ZC3H18: variants seen among roughly 807,000 people sequenced by gnomAD.
ZC3H18 encodes zinc finger CCCH-type containing 18.
ZC3H18 carries 8 observed loss-of-function variants against 106.1 expected under a neutral mutation model. That is an observed-to-expected ratio of 0.08 (90% confidence interval 0.04 to 0.14). The LOEUF (loss-of-function observed/expected upper bound fraction) is 0.14. Among genes scored for constraint, ZC3H18 ranks in the 10% least tolerant of loss-of-function variants. ZC3H18 has a pLI of 1.00. For missense variants in ZC3H18, 1,318 were observed against 1,278.4 expected, an observed-to-expected ratio of 1.03 and a Z score of -0.47; for synonymous variants, 635 against 522.1, an observed-to-expected ratio of 1.22 and a Z score of -2.95.
rs373998128 is a variant in ZC3H18 at position 88,623,211 on chromosome 16, C to T, written c.1668-8C>T. On this transcript the variant is annotated splice_region_variant and splice_polypyrimidine_tract_variant and intron_variant, in intron 9 of 17. Transcript: ENST00000301011. ...ACTTCTCGCCACGCTCCGTCCCGCC[C>T]GCCCCAGGTCGTCTTCGCGGTCATC... 88 of 1,611,506 alleles carry T rather than the reference C, an allele frequency of 5.5e-5. No homozygotes were observed. The highest frequency in any genetic ancestry group is 1.6e-4 in the Middle Eastern group (1 of 6,074).
intron 7 of ZC3H18, 23 bp from the exon 8 acceptor site, chr16:88,611,245 A>G: frequency 2.7e-6 from 2 of 733,702 alleles, no homozygotes; most frequent in East Asian, 5.1e-5. Flanking sequence ...CGGTGTCCCC[A>G]TGTGTTTGGC....
chr16:88,588,258 A>G (rs995367181), intron 3 of ZC3H18, among the ~76,000 whole-genome samples: 1 of 152,236 alleles, frequency 6.6e-6, no homozygotes, highest in African/African-American at 2.4e-5. Context: ...ATGTACGTGT[A>G]CACATTTGCA....
chr16:88,587,221 A>C (rs938572401), intron 3 of ZC3H18, among the ~76,000 whole-genome samples: 5 of 152,324 alleles, frequency 3.3e-5, no homozygotes, highest in African/African-American at 1.2e-4. Flanking sequence ...GGGACAGTGT[A>C]AGAAAGTGTC....
At chr16:88,622,501 C>T (rs746925025) in intron 9 of ZC3H18, 113 bp downstream of exon 9, 59 of 1,216,996 alleles carry the variant, frequency 4.8e-5, no homozygotes, top group Non-Finnish European at 6.0e-5. Context: ...TTTGCTGTGG[C>T]GTCGTTACCT....
chr16:88,617,125 T>A (rs1378962382), intron 8 of ZC3H18, among the ~76,000 whole-genome samples: 2 of 152,166 alleles, frequency 1.3e-5, no homozygotes, highest in African/African-American at 4.8e-5. Flanking sequence ...CCTCTGTCCA[T>A]GGGGGAGCCA....
chr16:88,630,997 G>T (rs1433943807), intron 17 of ZC3H18, 104 bp from the exon 18 acceptor site: 6 of 1,437,734 alleles, frequency 4.2e-6, no homozygotes, highest in Non-Finnish European at 5.8e-6. Context: ...TGCCTGTCCT[G>T]GTGGCCGCTG....
chr16:88,617,766 G>GT (rs1905714628), intron 8 of ZC3H18, among the ~76,000 whole-genome samples: 2 of 152,312 alleles, frequency 1.3e-5, no homozygotes, highest in South Asian at 4.1e-4. Context: ...CTCTTCCCTG[G>GT]TAAGTTCCGG....
At chr16:88,584,811 C>T (rs541850204) in intron 2 of ZC3H18, among the ~76,000 whole-genome samples, 2 of 152,296 alleles carry the variant, frequency 1.3e-5, no homozygotes, top group African/African-American at 2.4e-5. Flanking sequence ...TACATCTTTG[C>T]AGAAACAATG....
At chr16:88,625,499 C>T (rs577816710) in intron 13 of ZC3H18, 269 of 563,228 alleles carry the variant, frequency 4.8e-4, no homozygotes, top group Middle Eastern at 3.4e-3. Context: ...TTCACAAACT[C>T]GGGGGCACTC....
intron 3 of ZC3H18, among the ~76,000 whole-genome samples, chr16:88,591,397 A>C (rs1597331136): frequency 6.6e-6 from 1 of 152,108 alleles, no homozygotes; most frequent in Admixed American, 6.5e-5. Context: ...ACATGGTGAA[A>C]CCCTGTCTCT....
intron 3 of ZC3H18, 77 bp downstream of exon 3, chr16:88,586,761 G>T (rs1224626910): frequency 2.6e-6 from 3 of 1,158,014 alleles, no homozygotes; most frequent in African/African-American, 3.0e-5. Context: ...GGCTCACCTT[G>T]CCAGGCCCTG....
At chr16:88,611,614 G>A (rs551188910) in intron 8 of ZC3H18, 78 bp downstream of exon 8, 15 of 1,494,704 alleles carry the variant, frequency 1.0e-5, no homozygotes, top group South Asian at 2.7e-5. Flanking sequence ...CCTGGCCTGC[G>A]CTTCCCCTCT....
At chr16:88,604,253 G>A (rs181313171) in intron 6 of ZC3H18, among the ~76,000 whole-genome samples, 1 of 152,024 alleles carries the variant, frequency 6.6e-6, no homozygotes, top group East Asian at 1.9e-4. Flanking sequence ...TCAAGAGTCT[G>A]AGGTGGGAGA....
chr16:88,621,008 A>AG (rs1250882155), intron 8 of ZC3H18, among the ~76,000 whole-genome samples: 1 of 151,518 alleles, frequency 6.6e-6, no homozygotes, highest in Admixed American at 6.6e-5. Flanking sequence ...CTGGGATTAC[A>AG]GGCACGTGTT....
chr16:88,592,021 A>G (rs1190719627), intron 3 of ZC3H18, among the ~76,000 whole-genome samples: 1 of 152,124 alleles, frequency 6.6e-6, no homozygotes, highest in Non-Finnish European at 1.5e-5. Flanking sequence ...TGTGTGTTTC[A>G]TCTTTTGCGG....
At position 88,623,212 on chromosome 16, in the gene ZC3H18, G is replaced by C. The variant is rs200091193; in HGVS notation, c.1668-7G>C. Reference sequence around the variant, plus strand: ...CTTCTCGCCACGCTCCGTCCCGCCCGCCCCAGGTCGTCTTCGCGGTCATCG... The same window carrying C: ...CTTCTCGCCACGCTCCGTCCCGCCCCCCCCAGGTCGTCTTCGCGGTCATCG... On this transcript the variant is annotated splice_region_variant and splice_polypyrimidine_tract_variant and intron_variant, in intron 9 of 17. Coordinates refer to ENST00000301011, the MANE Select transcript of ZC3H18 (RefSeq NM_144604.4). 1 of 1,611,418 alleles carries C rather than the reference G, an allele frequency of 6.2e-7. No individual in the cohort carries two copies. The highest frequency in any genetic ancestry group is 1.1e-5 in the South Asian group (1 of 91,016).
At chr16:88,607,974 G>A (rs760900454) in intron 6 of ZC3H18, among the ~76,000 whole-genome samples, 16 of 152,132 alleles carry the variant, frequency 1.1e-4, no homozygotes, top group Non-Finnish European at 2.1e-4. Flanking sequence ...TTGTAAATGC[G>A]GTTTTCTCCA....
intron 6 of ZC3H18, among the ~76,000 whole-genome samples, chr16:88,601,458 G>A (rs1283237113): frequency 6.6e-6 from 1 of 152,174 alleles, no homozygotes; most frequent in Non-Finnish European, 1.5e-5. Flanking sequence ...TTCCCTGGCT[G>A]GAGCAGGGAC....
At chr16:88,609,362 A>G (rs550378062) in intron 7 of ZC3H18, 16 of 189,676 alleles carry the variant, frequency 8.4e-5, no homozygotes, top group African/African-American at 3.3e-4. Flanking sequence ...CAGCGGTGCA[A>G]TCTCGGCTCA....
Sources: allele counts gnomAD v4.1 joint callset (sites outside exome capture counted in the v4.1 genomes callset), GRCh38; gene constraint gnomAD v4.1.1; transcripts MANE v1.5; gene names NCBI Gene and HGNC (gene_info 2026-07-23, HGNC 2026-07-21).